Variants in KY observed in about 807,000 individuals in gnomAD.
KY encodes kyphoscoliosis peptidase.
KY carries 43 observed loss-of-function variants against 76.1 expected under a neutral mutation model. The ratio of observed to expected loss-of-function variants is 0.57; its 90% confidence interval spans 0.44 to 0.73. The LOEUF (loss-of-function observed/expected upper bound fraction) is 0.73. KY is among the 30% of genes least tolerant of loss of function. KY has a pLI of 0.00. For synonymous variants in KY, 277 were observed against 326.2 expected, an observed-to-expected ratio of 0.85 and a Z score of 1.63; for missense variants, 722 against 828.9, an observed-to-expected ratio of 0.87 and a Z score of 1.58.
intron 8 of KY, among the ~76,000 whole-genome samples, chr3:134,614,292 T>C (rs377358147): frequency 1.1e-4 from 17 of 152,184 alleles, no homozygotes; most frequent in East Asian, 9.6e-4. Flanking sequence ...AGGAGATTTA[T>C]TTAATGACCT....
chr3:134,604,020 C>T lies in KY; in HGVS notation c.1545G>A (p.Leu515=). ...TCAGCTCGGTCTGCTTCTCCCGGTGCAGCTGGAAGATGTAGCGCCGCTGTG... is the reference window on the plus strand; with the variant it reads ...TCAGCTCGGTCTGCTTCTCCCGGTGTAGCTGGAAGATGTAGCGCCGCTGTG... The part of the protein sequence containing the change: ...EETQRRYIFQ[L]HREKQTELKV... Residue 515 remains leucine, a synonymous_variant, in exon 11 of 11, where the codon CTG becomes CTA. Transcript: ENST00000423778. 1.2e-6 allele frequency: 2 copies of T among 1,614,026 alleles called. No individual in the cohort carries two copies. Among genetic ancestry groups the T allele is most frequent in the Non-Finnish European group, 1.7e-6 (2 of 1,179,866 alleles).
intron 4 of KY, 67 bp from the exon 5 acceptor site, chr3:134,627,885 T>C: frequency 7.9e-7 from 1 of 1,272,882 alleles, no homozygotes; most frequent in Non-Finnish European, 1.1e-6. Flanking sequence ...CACTGATGAC[T>C]CACCTTCTGG....
chr3:134,604,756 A>G (rs1408107779), intron 10 of KY, among the ~76,000 whole-genome samples: 1 of 152,154 alleles, frequency 6.6e-6, no homozygotes, highest in African/African-American at 2.4e-5. Flanking sequence ...AGAAAAATTT[A>G]TCCCAAGCTG....
intron 1 of KY, among the ~76,000 whole-genome samples, chr3:134,649,966 G>A (rs941492410): frequency 2.6e-5 from 4 of 152,274 alleles, no homozygotes; most frequent in East Asian, 1.9e-4. Flanking sequence ...GAACTGGCCC[G>A]CAGTCCGCCT....
At chr3:134,607,246 A>G (rs1959348321) in intron 10 of KY, 1 of 985,488 alleles carries the variant, frequency 1.0e-6, no homozygotes, top group African/African-American at 1.7e-5. Context: ...TAGCTGCAGG[A>G]GCTGCCAGGT....
chr3:134,638,674 A>G (rs1051889012), intron 3 of KY, among the ~76,000 whole-genome samples: 3 of 152,246 alleles, frequency 2.0e-5, no homozygotes, highest in African/African-American at 7.2e-5. Flanking sequence ...GAAACAGAGC[A>G]TACAGGCAAG....
intron 8 of KY, among the ~76,000 whole-genome samples, chr3:134,617,317 A>G (rs1294001359): frequency 6.6e-6 from 1 of 152,226 alleles, no homozygotes; most frequent in African/African-American, 2.4e-5. Context: ...TTCATCAGTT[A>G]AAAGAGAATT....
chr3:134,606,285 C>T (rs1959197811), intron 10 of KY, among the ~76,000 whole-genome samples: 1 of 152,182 alleles, frequency 6.6e-6, no homozygotes, highest in Admixed American at 6.5e-5. Flanking sequence ...AAAACGTCCA[C>T]CTGGCTACTC....
intron 3 of KY, among the ~76,000 whole-genome samples, chr3:134,642,283 T>C (rs565920266): frequency 2.6e-5 from 4 of 152,146 alleles, no homozygotes; most frequent in Non-Finnish European, 5.9e-5. Flanking sequence ...CTGTTTCATA[T>C]GGGGCATGGG....
intron 10 of KY, among the ~76,000 whole-genome samples, chr3:134,606,249 C>G (rs1959197001): frequency 6.6e-6 from 1 of 152,174 alleles, no homozygotes; most frequent in South Asian, 2.1e-4. Context: ...CCCAGCACCC[C>G]ACACAGCAGC....
chr3:134,630,269 A>G (rs1964038169), intron 3 of KY, among the ~76,000 whole-genome samples: 1 of 152,338 alleles, frequency 6.6e-6, no homozygotes, highest in East Asian at 1.9e-4. Context: ...CTCAGCCCCC[A>G]GGCAATTCTC....
chr3:134,627,888 C>T (rs560460796), intron 4 of KY, 70 bp from the exon 5 acceptor site: 1 of 1,239,814 alleles, frequency 8.1e-7, no homozygotes, highest in Admixed American at 1.7e-5. Context: ...TGATGACTCA[C>T]CTTCTGGTGG....
rs571627316 is a variant in KY at position 134,621,414 on chromosome 3, A to G, written c.484-557T>C. Among the ~76,000 whole-genome samples, 5 of 152,362 alleles carry G rather than the reference A, an allele frequency of 3.3e-5. No homozygotes were observed. The East Asian group carries it at 9.6e-4, about 29-fold the overall frequency. On this transcript the variant is annotated intron_variant, in intron 6 of 10. Coordinates refer to ENST00000423778, the MANE Select transcript of KY (RefSeq NM_178554.6). ...ACTGAGAGTCCAGAAATGGACCCAC[A>G]TATCTACGGTTAGTGGATCTTTGAC... is the stretch of plus-strand genomic sequence containing the variant.
chr3:134,638,272 C>T (rs571332760), intron 3 of KY, among the ~76,000 whole-genome samples: 26 of 152,240 alleles, frequency 1.7e-4, no homozygotes, highest in African/African-American at 5.8e-4. Flanking sequence ...CTGGCTATGA[C>T]GCTACTGGAT....
At chr3:134,625,410 G>C (rs140576301) in intron 5 of KY, among the ~76,000 whole-genome samples, 1 of 152,210 alleles carries the variant, frequency 6.6e-6, no homozygotes. Flanking sequence ...AGTAGGAAAC[G>C]GGCTTAACCT....
intron 10 of KY, among the ~76,000 whole-genome samples, chr3:134,605,547 C>G (rs1560097907): frequency 6.6e-6 from 1 of 152,148 alleles, no homozygotes; most frequent in Admixed American, 6.5e-5. Flanking sequence ...CCACATGGGC[C>G]AGCATGATGG....
chr3:134,613,402 C>T (rs1374598040), intron 8 of KY, among the ~76,000 whole-genome samples: 2 of 152,176 alleles, frequency 1.3e-5, no homozygotes, highest in Admixed American at 6.5e-5. Context: ...CCTGCCCCAG[C>T]CCTGGAAAGG....
chr3:134,631,008 G>A (rs1240425418), intron 3 of KY, among the ~76,000 whole-genome samples: 2 of 152,230 alleles, frequency 1.3e-5, no homozygotes, highest in African/African-American at 4.8e-5. Flanking sequence ...AGAGAACACA[G>A]TCAGAGAACT....
chr3:134,647,304 G>T, intron 2 of KY, 131 bp downstream of exon 2: 1 of 717,754 alleles, frequency 1.4e-6, no homozygotes, highest in Non-Finnish European at 2.4e-6. Flanking sequence ...GGCCTGGCTG[G>T]GTCAGGAGCA....
Sources: allele counts gnomAD v4.1 joint callset (sites outside exome capture counted in the v4.1 genomes callset), GRCh38; gene constraint gnomAD v4.1.1; transcripts MANE v1.5; gene names NCBI Gene and HGNC (gene_info 2026-07-23, HGNC 2026-07-21).